The following LARGE1 variants were observed in gnomAD, a reference collection of about 807,000 sequenced individuals.
LARGE1 encodes xylosyl- and glucuronyltransferase LARGE1.
LARGE1 carries 43 observed loss-of-function variants against 87.6 expected under a neutral mutation model. The observed-to-expected ratio is 0.49, with a 90% CI of 0.38 to 0.63. The LOEUF is 0.63. Among genes scored for constraint, LARGE1 ranks in the 30% least tolerant of loss-of-function variants. LARGE1 has a pLI of 0.00. For missense variants in LARGE1, 802 were observed against 1,000.2 expected, an observed-to-expected ratio of 0.80 and a Z score of 2.67; for synonymous variants, 434 against 394.6, an observed-to-expected ratio of 1.10 and a Z score of -1.18.
At chr22:33,816,933 TCTC>T (rs1404328628) in intron 1 of LARGE1, among the ~76,000 whole-genome samples, 3 of 151,904 alleles carry the variant, frequency 2.0e-5, no homozygotes, top group Non-Finnish European at 4.4e-5. Flanking sequence ...CTCAAGTCAT[TCTC>T]CTCAACCTGA....
rs1038618084 is a variant in LARGE1 at position 33,274,064 on chromosome 22, G to C, written c.*363C>G. 4.8e-6 allele frequency: 2 copies of C among 418,700 alleles called. No homozygotes were observed. The highest frequency in any genetic ancestry group is 8.7e-6 in the Non-Finnish European group (2 of 230,166). 25.9% of individuals were successfully genotyped at this position (418,700 alleles called of 1,614,324 possible). A position where few individuals can be genotyped will look rare whatever the true frequency, so the allele number is the denominator to read the frequency against. On this transcript the variant is annotated 3_prime_UTR_variant, in exon 15 of 15. Coordinates refer to ENST00000397394, the MANE Select transcript of LARGE1 (RefSeq NM_133642.5). Reference sequence around the variant, plus strand: ...CTGACTTCCCTTTCTCCCCAGTTATGATGGGAAGCATAATTATTAAAAAGC... The same window carrying C: ...CTGACTTCCCTTTCTCCCCAGTTATCATGGGAAGCATAATTATTAAAAAGC...
intron 2 of LARGE1, among the ~76,000 whole-genome samples, chr22:33,696,168 A>G (rs891493222): frequency 1.1e-4 from 16 of 152,212 alleles, no homozygotes; most frequent in African/African-American, 3.6e-4. Flanking sequence ...TTGCAATAAC[A>G]GTTTCATAGT....
At chr22:33,776,560 C>A (rs1046540900) in intron 1 of LARGE1, among the ~76,000 whole-genome samples, 1 of 152,158 alleles carries the variant, frequency 6.6e-6, no homozygotes, top group Non-Finnish European at 1.5e-5. Flanking sequence ...ATGGGACTAC[C>A]TATGAAGCCC....
intron 11 of LARGE1, among the ~76,000 whole-genome samples, chr22:33,212,411 T>G (rs1194404005): frequency 6.6e-6 from 1 of 152,244 alleles, no homozygotes; most frequent in African/African-American, 2.4e-5. Context: ...TTCCTGAATA[T>G]TTTAAGCCCA....
chr22:33,446,122 A>C (rs1226104282), intron 6 of LARGE1, among the ~76,000 whole-genome samples: 1 of 152,204 alleles, frequency 6.6e-6, no homozygotes, highest in Non-Finnish European at 1.5e-5. Context: ...CTTAGTCAAC[A>C]TGCCTATGTA....
chr22:33,755,159 A>G (rs1056837981), intron 2 of LARGE1, among the ~76,000 whole-genome samples: 2 of 152,200 alleles, frequency 1.3e-5, no homozygotes, highest in Non-Finnish European at 2.9e-5. Flanking sequence ...ACACTCAAAA[A>G]CATTCATTTC....
At chr22:33,808,554 G>A (rs541033509) in intron 1 of LARGE1, among the ~76,000 whole-genome samples, 7 of 151,990 alleles carry the variant, frequency 4.6e-5, no homozygotes, top group African/African-American at 1.7e-4. Context: ...AGTATTTATG[G>A]AATGTTTACA....
intron 2 of LARGE1, among the ~76,000 whole-genome samples, chr22:33,743,500 A>AGAGGCAGCCACTTCTG (rs2083966659): frequency 6.6e-6 from 1 of 151,682 alleles, no homozygotes; most frequent in Non-Finnish European, 1.5e-5. Flanking sequence ...TACCTCCAAA[A>AGAGGCAGCCACTTCTG]CCTATCCCCA....
intron 1 of LARGE1, among the ~76,000 whole-genome samples, chr22:33,814,700 G>A (rs2146203278): frequency 6.7e-6 from 1 of 148,242 alleles, no homozygotes; most frequent in African/African-American, 2.5e-5. Flanking sequence ...GATCACATAA[G>A]CTAATTCCTT....
upstream of LARGE1, among the ~76,000 whole-genome samples, chr22:33,921,248 A>G (rs2065943208): frequency 6.6e-6 from 1 of 152,090 alleles, no homozygotes; most frequent in South Asian, 2.1e-4. This position sits in a 1 kb window ranked among gnomAD's most constrained non-coding sequence, Gnocchi z 4.1. Flanking sequence ...AGGCGGAAGC[A>G]ACACCCGGAG....
At chr22:33,757,652 T>C (rs2084568368) in intron 2 of LARGE1, among the ~76,000 whole-genome samples, 1 of 152,136 alleles carries the variant, frequency 6.6e-6, no homozygotes, top group Non-Finnish European at 1.5e-5. Flanking sequence ...GGTCCATTGA[T>C]ATTAAACAGA....
intron 6 of LARGE1, among the ~76,000 whole-genome samples, chr22:33,490,045 C>T (rs2069761660): frequency 6.6e-6 from 1 of 152,268 alleles, no homozygotes; most frequent in South Asian, 2.1e-4. Context: ...CCTTTTCCAA[C>T]TCCTGACTCC....
chr22:33,169,679 G>A lies in LARGE1; in HGVS notation c.1731-2847C>T, dbSNP rs5998773. ...ATACTGGCTAACATGGTGAAACCCC[G>A]CCTCTACGAAAAATACAAAAAATTA... On this transcript the variant is annotated intron_variant, in intron 11 of 11. Coordinates refer to the LARGE1 transcript ENST00000608642. Among the ~76,000 whole-genome samples the A allele has an allele frequency of 3.8e-4, 57 of 151,864 alleles. 1 individual carries two copies. The highest frequency in any genetic ancestry group is 8.5e-4 in the African/African-American group (35 of 41,398).
intron 2 of LARGE1, among the ~76,000 whole-genome samples, chr22:33,741,848 C>T (rs1428239649): frequency 6.6e-6 from 1 of 152,172 alleles, no homozygotes. Context: ...TGCAAGAGAA[C>T]GTGAGTGGGT....
At chr22:33,303,367 C>G (rs1243959087) in intron 12 of LARGE1, among the ~76,000 whole-genome samples, 1 of 152,154 alleles carries the variant, frequency 6.6e-6, no homozygotes, top group Non-Finnish European at 1.5e-5. Context: ...GCCAACGGCT[C>G]CTGGTCTCGG....
intron 9 of LARGE1, among the ~76,000 whole-genome samples, chr22:33,350,041 T>C (rs1429521061): frequency 1.3e-5 from 2 of 152,114 alleles, no homozygotes; most frequent in Non-Finnish European, 2.9e-5. Flanking sequence ...CATTTCTTAT[T>C]TTTCCCTGCC....
chr22:33,366,180 A>G (rs2064584377), intron 9 of LARGE1, among the ~76,000 whole-genome samples: 1 of 152,224 alleles, frequency 6.6e-6, no homozygotes, highest in Non-Finnish European at 1.5e-5. Flanking sequence ...CCATGTGGAT[A>G]ATCAGGTGTC....
the LARGE1 span, among the ~76,000 whole-genome samples, chr22:33,148,917 T>G: frequency 2.0e-5 from 3 of 152,202 alleles, no homozygotes; most frequent in Non-Finnish European, 2.9e-5. Context: ...TGAGATTGTT[T>G]GGTATCTTAC....
chr22:33,786,295 G>GA (rs1259226264), intron 1 of LARGE1, among the ~76,000 whole-genome samples: 22 of 152,132 alleles, frequency 1.4e-4, no homozygotes, highest in African/African-American at 4.6e-4. Flanking sequence ...ATATTAATTG[G>GA]AAAAAAGCAT....
Sources: allele counts gnomAD v4.1 joint callset (sites outside exome capture counted in the v4.1 genomes callset), GRCh38; gene constraint gnomAD v4.1.1; non-coding constraint Gnocchi (gnomAD v3.1); transcripts MANE v1.5; gene names NCBI Gene and HGNC (gene_info 2026-07-23, HGNC 2026-07-21).